The following TRPM3 variants were observed in gnomAD, a reference collection of about 807,000 sequenced individuals.
The protein encoded by TRPM3 is transient receptor potential cation channel subfamily M member 3.
In TRPM3, 77 loss-of-function variants were observed where a neutral mutation model predicts 181.2. That is an observed-to-expected ratio of 0.42 (90% confidence interval 0.35 to 0.51). The LOEUF is 0.51. TRPM3 is among the 20% of genes least tolerant of loss of function. TRPM3 has a pLI of 0.01. For missense variants in TRPM3, 1,759 were observed against 2,196.7 expected (o/e 0.80, Z 3.98); for synonymous variants, 745 against 796.4 (o/e 0.94, Z 1.09).
intron 24 of TRPM3, among the ~76,000 whole-genome samples, chr9:70,550,931 G>C (rs980827402): frequency 2.6e-5 from 4 of 152,182 alleles, no homozygotes; most frequent in Non-Finnish European, 5.9e-5. Flanking sequence ...AAATTACACA[G>C]AGCATTAGTC....
intron 1 of TRPM3, among the ~76,000 whole-genome samples, chr9:71,278,538 A>C (rs559819231): frequency 2.0e-5 from 3 of 152,354 alleles, no homozygotes; most frequent in Non-Finnish European, 4.4e-5. Context: ...CACAATTCTT[A>C]AACAGTATAG....
At chr9:71,239,506 A>C (rs1412613471) in intron 1 of TRPM3, among the ~76,000 whole-genome samples, 1 of 152,146 alleles carries the variant, frequency 6.6e-6, no homozygotes, top group African/African-American at 2.4e-5. Context: ...TTTTTTAATC[A>C]TTAAAGAATA....
At chr9:71,280,750 G>A (rs756461668) in intron 1 of TRPM3, among the ~76,000 whole-genome samples, 3 of 152,016 alleles carry the variant, frequency 2.0e-5, no homozygotes, top group South Asian at 2.1e-4. Flanking sequence ...TGGGGTTCTC[G>A]TGGCCTCCTC....
intron 1 of TRPM3, among the ~76,000 whole-genome samples, chr9:71,418,850 T>A (rs2093680455): frequency 6.9e-6 from 1 of 143,990 alleles, no homozygotes; most frequent in African/African-American, 2.6e-5. Context: ...CTATATAGTA[T>A]CCTTTGTATA....
chr9:70,746,361 C>T (rs1433174958), intron 8 of TRPM3, among the ~76,000 whole-genome samples: 1 of 151,904 alleles, frequency 6.6e-6, no homozygotes, highest in African/African-American at 2.4e-5. Flanking sequence ...AGATAGTTGG[C>T]CTTCAGTTTC....
chr9:71,044,434 T>G (rs1454702134), intron 1 of TRPM3, among the ~76,000 whole-genome samples: 3 of 152,264 alleles, frequency 2.0e-5, no homozygotes, highest in Admixed American at 6.5e-5. Context: ...TTTATATTCT[T>G]TGCTTTTCCA....
intron 1 of TRPM3, among the ~76,000 whole-genome samples, chr9:71,251,249 G>T (rs2082325258): frequency 6.6e-6 from 1 of 152,104 alleles, no homozygotes; most frequent in Non-Finnish European, 1.5e-5. Flanking sequence ...CAGGAAATCA[G>T]AAAATACAAA....
At chr9:71,214,822 C>T (rs1318890236) in intron 1 of TRPM3, among the ~76,000 whole-genome samples, 1 of 151,980 alleles carries the variant, frequency 6.6e-6, no homozygotes, top group African/African-American at 2.4e-5. Flanking sequence ...GCCTGTAACC[C>T]CCTTCCCCAT....
intron 1 of TRPM3, among the ~76,000 whole-genome samples, chr9:71,137,192 T>TA: frequency 6.6e-6 from 1 of 152,040 alleles, no homozygotes; most frequent in Non-Finnish European, 1.5e-5. Flanking sequence ...TTAAAACTAA[T>TA]AAAAAGGTAT....
intron 1 of TRPM3, among the ~76,000 whole-genome samples, chr9:71,248,814 A>C (rs1175868469): frequency 6.6e-6 from 1 of 152,180 alleles, no homozygotes; most frequent in African/African-American, 2.4e-5. Flanking sequence ...CATGATCATA[A>C]ATAAAAGTTC....
At chr9:71,039,482 C>G (rs1490870358) in intron 1 of TRPM3, among the ~76,000 whole-genome samples, 1 of 152,092 alleles carries the variant, frequency 6.6e-6, no homozygotes, top group Non-Finnish European at 1.5e-5. Flanking sequence ...ATACTCTGTA[C>G]CTAGATACTG....
chr9:71,274,735 A>G (rs2084062989), intron 1 of TRPM3, among the ~76,000 whole-genome samples: 1 of 152,226 alleles, frequency 6.6e-6, no homozygotes, highest in African/African-American at 2.4e-5. Flanking sequence ...CTACAAACTC[A>G]TGTATGCAAG....
intron 11 of TRPM3, 147 bp downstream of exon 11, chr9:70,638,913 T>C (rs533984847): frequency 2.7e-5 from 24 of 890,978 alleles, no homozygotes; most frequent in Middle Eastern, 4.7e-4. Flanking sequence ...GTGTTTGTCA[T>C]CTATGTAGGT....
chr9:71,414,701 AG>A (rs1021306820), intron 1 of TRPM3, among the ~76,000 whole-genome samples: 2 of 152,088 alleles, frequency 1.3e-5, no homozygotes, highest in Admixed American at 1.3e-4. Flanking sequence ...CTTACTGGAG[AG>A]GCATGATACT....
At chr9:71,407,688 C>CTT (rs1354345302) in intron 1 of TRPM3, among the ~76,000 whole-genome samples, 1 of 152,232 alleles carries the variant, frequency 6.6e-6, no homozygotes, top group Admixed American at 6.5e-5. Flanking sequence ...CTTCTGCAGA[C>CTT]TTAAACGTCC....
rs80163751 is a variant in TRPM3, at chr9:70,904,390, C to T, written c.178-39879G>A. On this transcript the variant is annotated intron_variant, in intron 1 of 25. Coordinates refer to ENST00000677713, the MANE Select transcript of TRPM3 (RefSeq NM_001366145.2). Reference sequence around the variant, plus strand: ...TAATTAAAGAAACACAACTCAGGTGCTCATTCTGCTTCCACTTTCTCTAAT... The same window carrying T: ...TAATTAAAGAAACACAACTCAGGTGTTCATTCTGCTTCCACTTTCTCTAAT... Among the ~76,000 whole-genome samples the T allele has an allele frequency of 1.5e-3, 221 of 152,304 alleles. 2 individuals are homozygous for T. The East Asian group carries it at 0.031, about 22-fold the overall frequency.
At chr9:71,049,796 TA>T (rs2059864498) in intron 1 of TRPM3, among the ~76,000 whole-genome samples, 1 of 152,154 alleles carries the variant, frequency 6.6e-6, no homozygotes, top group Admixed American at 6.5e-5. Flanking sequence ...GAGACTAGAT[TA>T]AAATCCCATT....
chr9:70,921,259 A>T (rs1223258540), intron 1 of TRPM3, among the ~76,000 whole-genome samples: 1 of 152,200 alleles, frequency 6.6e-6, no homozygotes, highest in Non-Finnish European at 1.5e-5. Flanking sequence ...AAATTTTATA[A>T]CCTGCTTCTC....
At chr9:70,686,677 C>A (rs1471656652) in intron 8 of TRPM3, among the ~76,000 whole-genome samples, 2 of 94,678 alleles carry the variant, frequency 2.1e-5, no homozygotes, top group Non-Finnish European at 4.0e-5. Flanking sequence ...CCTGGAAACT[C>A]CTTCCTTCTT....
Sources: gnomAD v4.1 joint callset for allele counts (sites outside exome capture counted in the v4.1 genomes callset) on GRCh38, gnomAD v4.1.1 for gene constraint, MANE v1.5 for transcripts, NCBI Gene and HGNC (gene_info 2026-07-23, HGNC 2026-07-21) for gene names.